Variants in GLRA1 observed in about 807,000 individuals in gnomAD.
GLRA1 encodes the protein glycine receptor alpha 1, also known as glycine receptor subunit alpha-1.
GLRA1 carries 37 observed loss-of-function variants against 48.3 expected under a neutral mutation model. The observed-to-expected ratio is 0.77, with a 90% CI of 0.59 to 1.01. The LOEUF (loss-of-function observed/expected upper bound fraction) is 1.01, where lower values mean the gene tolerates loss of function less well. Among genes scored for constraint, GLRA1 ranks in the 50% least tolerant of loss-of-function variants. The pLI, the probability that GLRA1 is intolerant of heterozygous loss-of-function variation, is 0.00. For missense variants in GLRA1, 427 were observed against 571.0 expected (o/e 0.75, Z 2.57); for synonymous variants, 196 against 210.7 (o/e 0.93, Z 0.60).
At chr5:151,909,775 C>T (rs1031809021) in intron 1 of GLRA1, among the ~76,000 whole-genome samples, 9 of 152,146 alleles carry the variant, frequency 5.9e-5, no homozygotes, top group African/African-American at 2.2e-4. Context: ...TTGGAATTCT[C>T]AGTTCTTGTC....
chr5:151,910,935 A>G (rs948911945), intron 1 of GLRA1, among the ~76,000 whole-genome samples: 2 of 152,208 alleles, frequency 1.3e-5, no homozygotes, highest in Non-Finnish European at 2.9e-5. Context: ...CTGTTCCTCA[A>G]TGTATCTATC....
chr5:151,920,191 G>A (rs1379948655), intron 1 of GLRA1, among the ~76,000 whole-genome samples: 3 of 152,186 alleles, frequency 2.0e-5, no homozygotes, highest in Admixed American at 2.0e-4. Flanking sequence ...ACCTTTGTGG[G>A]TATGGGCCCC....
intron 1 of GLRA1, among the ~76,000 whole-genome samples, chr5:151,911,731 G>A (rs905511021): frequency 1.2e-4 from 17 of 147,374 alleles, no homozygotes; most frequent in African/African-American, 3.5e-4. Flanking sequence ...TCAGCCTCCC[G>A]AGTAGCTGGG....
At chr5:151,850,370 T>C (rs1452603961) in intron 7 of GLRA1, 2 of 1,359,592 alleles carry the variant, frequency 1.5e-6, no homozygotes, top group African/African-American at 2.9e-5. Context: ...GTGAAGACTT[T>C]GGAGTGATAG....
At chr5:151,893,951 A>G (rs1466039487) in intron 1 of GLRA1, among the ~76,000 whole-genome samples, 1 of 152,224 alleles carries the variant, frequency 6.6e-6, no homozygotes, top group South Asian at 2.1e-4. Flanking sequence ...CTCTTAAAGC[A>G]TATAGATTTC....
intron 3 of GLRA1, among the ~76,000 whole-genome samples, chr5:151,867,092 C>T (rs777252272): frequency 6.6e-6 from 1 of 152,126 alleles, no homozygotes; most frequent in Non-Finnish European, 1.5e-5. Context: ...GCCTGGGTAA[C>T]AGAGCAAGAC....
At chr5:151,830,779 A>G (rs917460799) in intron 7 of GLRA1, among the ~76,000 whole-genome samples, 1 of 152,256 alleles carries the variant, frequency 6.6e-6, no homozygotes, top group African/African-American at 2.4e-5. Context: ...AGCAACAGCA[A>G]CAAATCCTGA....
chr5:151,852,577 A>G (rs1168821037), intron 6 of GLRA1, among the ~76,000 whole-genome samples: 1 of 152,196 alleles, frequency 6.6e-6, no homozygotes, highest in Non-Finnish European at 1.5e-5. Context: ...CACAATAGCG[A>G]ATTTCCTGGA....
chr5:151,848,323 C>G (rs1480253698), intron 7 of GLRA1, among the ~76,000 whole-genome samples: 9 of 152,204 alleles, frequency 5.9e-5, no homozygotes, highest in Admixed American at 5.9e-4. Flanking sequence ...CCAGTTAAAA[C>G]ATGGCACGCT....
At chr5:151,898,433 G>A (rs1754277438) in intron 1 of GLRA1, among the ~76,000 whole-genome samples, 1 of 152,164 alleles carries the variant, frequency 6.6e-6, no homozygotes, top group Non-Finnish European at 1.5e-5. Context: ...TCAATATAAA[G>A]CTGTCAATCT....
intron 7 of GLRA1, among the ~76,000 whole-genome samples, chr5:151,847,966 G>C (rs776761739): frequency 6.6e-6 from 1 of 152,250 alleles, no homozygotes; most frequent in African/African-American, 2.4e-5. Flanking sequence ...GCAGAATGCT[G>C]TGTCTAGTGC....
intron 3 of GLRA1, among the ~76,000 whole-genome samples, chr5:151,867,939 A>G (rs978605976): frequency 1.3e-5 from 2 of 152,252 alleles, no homozygotes; most frequent in African/African-American, 4.8e-5. Flanking sequence ...GAAGATCAGT[A>G]TGGCAGGAAC....
At chr5:151,891,922 C>T (rs906224283) in intron 2 of GLRA1, among the ~76,000 whole-genome samples, 2 of 152,112 alleles carry the variant, frequency 1.3e-5, no homozygotes, top group African/African-American at 4.8e-5. Context: ...AAGCCCATTA[C>T]TATACAGATG....
intron 3 of GLRA1, among the ~76,000 whole-genome samples, chr5:151,880,075 C>T (rs939780783): frequency 1.2e-4 from 19 of 152,312 alleles, no homozygotes; most frequent in African/African-American, 4.6e-4. Context: ...TGCCTTCCAC[C>T]ATGATTGTAA....
intron 7 of GLRA1, among the ~76,000 whole-genome samples, chr5:151,830,403 A>T (rs1763394243): frequency 6.6e-6 from 1 of 152,232 alleles, no homozygotes; most frequent in Admixed American, 6.5e-5. Context: ...TGAAAAAGAA[A>T]AGCTGGGTAA....
At chr5:151,837,771 G>A (rs1332151312) in intron 7 of GLRA1, among the ~76,000 whole-genome samples, 8 of 152,146 alleles carry the variant, frequency 5.3e-5, no homozygotes. Flanking sequence ...GAGAATACAT[G>A]GACACAGGGC....
At chr5:151,855,355 A>G (rs920518649) in intron 5 of GLRA1, among the ~76,000 whole-genome samples, 178 bp from the exon 6 acceptor site, 3 of 152,124 alleles carry the variant, frequency 2.0e-5, no homozygotes, top group African/African-American at 7.2e-5. Flanking sequence ...ATTTATATCT[A>G]CATCAGAGCC....
At chr5:151,918,976 A>G (rs1473381452) in intron 1 of GLRA1, among the ~76,000 whole-genome samples, 1 of 152,182 alleles carries the variant, frequency 6.6e-6, no homozygotes, top group Admixed American at 6.5e-5. Context: ...GTTTCCCAAT[A>G]TGGGGTCCCT....
chr5:151,839,384 T>C (rs1211464159), intron 7 of GLRA1, among the ~76,000 whole-genome samples: 2 of 152,244 alleles, frequency 1.3e-5, no homozygotes, highest in Non-Finnish European at 2.9e-5. Context: ...ATAACTTTTT[T>C]CTCCTATCTG....
Sources: allele counts gnomAD v4.1 joint callset (sites outside exome capture counted in the v4.1 genomes callset), GRCh38; gene constraint gnomAD v4.1.1; transcripts MANE v1.5; gene names NCBI Gene and HGNC (gene_info 2026-07-23, HGNC 2026-07-21).